SLC25A21: variants seen among roughly 807,000 people sequenced by gnomAD.
The protein encoded by SLC25A21 is mitochondrial 2-oxodicarboxylate carrier.
SLC25A21 carries 47 observed loss-of-function variants against 43.8 expected under a neutral mutation model. That is an observed-to-expected ratio of 1.07 (90% CI 0.85 to 1.37). The LOEUF is 1.37. Ranked by LOEUF, SLC25A21 falls within the 40% of genes most tolerant of loss-of-function variation. The pLI, the probability that SLC25A21 is intolerant of heterozygous loss-of-function variation, is 0.00. For synonymous variants in SLC25A21, 131 were observed against 121.3 expected (o/e 1.08, Z -0.52); for missense variants, 352 against 350.2 (o/e 1.00, Z -0.04).
chr14:36,881,040 A>G lies in SLC25A21; in HGVS notation c.71-6036T>C, dbSNP rs141385035. On this transcript the variant is annotated intron_variant, in intron 1 of 9. Transcript: ENST00000331299. ...GGAAGACATTGAGCAGAAAATAGCA[A>G]TACGCATAAAAATATGGTTCAGGCC... is the stretch of plus-strand genomic sequence containing the variant. Among the ~76,000 whole-genome samples, 515 of 152,294 alleles carry G rather than the reference A, an allele frequency of 3.4e-3. 3 individuals carry two copies. Among genetic ancestry groups the G allele is most frequent in the African/African-American group, 0.012 (492 of 41,556 alleles).
At chr14:37,021,959 G>T (rs1330883504) in intron 1 of SLC25A21, among the ~76,000 whole-genome samples, 1 of 151,846 alleles carries the variant, frequency 6.6e-6, no homozygotes, top group Non-Finnish European at 1.5e-5. Flanking sequence ...TATTTAAATG[G>T]TCTAGAGCAT....
chr14:36,978,274 G>A lies in SLC25A21; in HGVS notation c.71-103270C>T, dbSNP rs539703686. Among the ~76,000 whole-genome samples the A allele has an allele frequency of 2.5e-3, 378 of 152,158 alleles. 4 individuals are homozygous for A. The highest frequency in any genetic ancestry group is 4.6e-3 in the Non-Finnish European group (315 of 67,998). The stretch of plus-strand genomic sequence containing the variant: ...TGGTTCTAGACTACTACAATAAAGC[G>A]ATTACTACAATAAGGTGAGTCACAC... On this transcript the variant is annotated intron_variant, in intron 1 of 9. Transcript: ENST00000331299.
intron 1 of SLC25A21, among the ~76,000 whole-genome samples, chr14:36,894,453 G>T (rs1355554949): frequency 6.6e-6 from 1 of 152,118 alleles, no homozygotes; most frequent in Admixed American, 6.6e-5. Context: ...AGACAATGGG[G>T]TTTTCTAGAT....
intron 3 of SLC25A21, among the ~76,000 whole-genome samples, chr14:36,772,234 A>G (rs989529196): frequency 2.0e-5 from 3 of 152,202 alleles, no homozygotes; most frequent in Admixed American, 2.0e-4. Context: ...GTGTAGCAGA[A>G]GCAAAACAAG....
intron 6 of SLC25A21, chr14:36,725,088 A>AT (rs542837072): frequency 2.0e-5 from 3 of 152,208 alleles, no homozygotes; most frequent in South Asian, 2.1e-4. Context: ...GAGATACTTG[A>AT]TTTTTTCTTA....
At chr14:37,012,397 C>T (rs777125340) in intron 1 of SLC25A21, among the ~76,000 whole-genome samples, 7 of 152,148 alleles carry the variant, frequency 4.6e-5, no homozygotes, top group African/African-American at 7.2e-5. Flanking sequence ...GAAAAATTAA[C>T]GCTGCAAATT....
At chr14:36,802,122 G>A (rs897674220) in intron 3 of SLC25A21, among the ~76,000 whole-genome samples, 2 of 152,168 alleles carry the variant, frequency 1.3e-5, no homozygotes, top group Non-Finnish European at 2.9e-5. Flanking sequence ...AAATTATCAT[G>A]TTTAGAATCT....
At chr14:36,751,306 G>A (rs1885700071) in intron 3 of SLC25A21, among the ~76,000 whole-genome samples, 1 of 152,192 alleles carries the variant, frequency 6.6e-6, no homozygotes, top group African/African-American at 2.4e-5. Context: ...AGTAGCCCCT[G>A]CTGTAAAGTA....
chr14:36,766,031 CT>C (rs11423214), intron 3 of SLC25A21, among the ~76,000 whole-genome samples: 265 of 149,746 alleles, frequency 1.8e-3, no homozygotes, highest in Non-Finnish European at 2.0e-3. Context: ...TCATTCCCTT[CT>C]TTTTTTTTTG....
chr14:37,151,633 G>A (rs1157018617), intron 1 of SLC25A21, among the ~76,000 whole-genome samples: 1 of 152,248 alleles, frequency 6.6e-6, no homozygotes, highest in African/African-American at 2.4e-5. Flanking sequence ...CTAAGAGGCA[G>A]GGTGGAGTAA....
At chr14:36,689,154 A>C (rs1882683940) in intron 7 of SLC25A21, among the ~76,000 whole-genome samples, 1 of 152,222 alleles carries the variant, frequency 6.6e-6, no homozygotes, top group Admixed American at 6.5e-5. Context: ...AGGAAGAGCA[A>C]GTCACATCTT....
chr14:36,776,234 C>CTTTTTTTTTTTTTTTT lies in SLC25A21; in HGVS notation c.203+37683_203+37684insAAAAAAAAAAAAAAAA, dbSNP rs1397904925. Reference sequence around the variant, plus strand: ...CTTTCTTTTTTCTTTTTCTTTCTTTCTTTCTTTTTTTTTTTTTTTTGAGAT... The same window carrying CTTTTTTTTTTTTTTTT: ...CTTTCTTTTTTCTTTTTCTTTCTTTCTTTTTTTTTTTTTTTTTTTCTTTTTTTTTTTTTTTTGAGAT... On this transcript the variant is annotated intron_variant, in intron 3 of 9. Coordinates refer to ENST00000331299, the MANE Select transcript of SLC25A21 (RefSeq NM_030631.4). Among the ~76,000 whole-genome samples, 103 of 75,732 alleles carry CTTTTTTTTTTTTTTTT rather than the reference C, an allele frequency of 1.4e-3. 4 individuals are homozygous for CTTTTTTTTTTTTTTTT. The highest frequency in any genetic ancestry group is 5.5e-3 in the African/African-American group (97 of 17,552). The allele number at this position is 75,732 out of a possible 152,430, so 49.7% of individuals were successfully genotyped here. A position where few individuals can be genotyped will look rare whatever the true frequency, so the allele number is the denominator to read the frequency against.
chr14:36,734,460 G>T (rs1242522856), intron 4 of SLC25A21, 47 bp downstream of exon 4: 2 of 1,462,416 alleles, frequency 1.4e-6, no homozygotes, highest in Admixed American at 3.8e-5. Context: ...TGCTGAAGCT[G>T]TTACTGTGCC....
At chr14:37,124,275 C>T (rs568086928) in intron 1 of SLC25A21, among the ~76,000 whole-genome samples, 1 of 152,076 alleles carries the variant, frequency 6.6e-6, no homozygotes, top group Non-Finnish European at 1.5e-5. Context: ...AAATAATATC[C>T]TCTTTAAGAT....
At chr14:36,828,954 T>C (rs1400752824) in intron 2 of SLC25A21, among the ~76,000 whole-genome samples, 1 of 152,082 alleles carries the variant, frequency 6.6e-6, no homozygotes, top group Non-Finnish European at 1.5e-5. Flanking sequence ...CAGGTTGGAG[T>C]GGAGTGGTGA....
At chr14:36,790,740 C>T (rs929828412) in intron 3 of SLC25A21, among the ~76,000 whole-genome samples, 2 of 152,074 alleles carry the variant, frequency 1.3e-5, no homozygotes, top group African/African-American at 2.4e-5. Context: ...GGTTAGCTGG[C>T]ACACACAATT....
chr14:37,049,296 T>C (rs904666360), intron 1 of SLC25A21, among the ~76,000 whole-genome samples: 1 of 152,094 alleles, frequency 6.6e-6, no homozygotes, highest in Non-Finnish European at 1.5e-5. Flanking sequence ...AAGAATGACA[T>C]ACTGACTGGG....
chr14:37,116,878 T>C (rs1251942128), intron 1 of SLC25A21, among the ~76,000 whole-genome samples: 1 of 152,130 alleles, frequency 6.6e-6, no homozygotes, highest in African/African-American at 2.4e-5. Flanking sequence ...ATCTTATGAG[T>C]TAAAATATTT....
intron 1 of SLC25A21, among the ~76,000 whole-genome samples, chr14:36,886,243 C>T (rs1478123099): frequency 6.6e-6 from 1 of 152,134 alleles, no homozygotes; most frequent in East Asian, 1.9e-4. Flanking sequence ...ATTATACTCT[C>T]CCCTAATAAT....
Sources: gnomAD v4.1 joint callset for allele counts (sites outside exome capture counted in the v4.1 genomes callset) on GRCh38, gnomAD v4.1.1 for gene constraint, MANE v1.5 for transcripts, NCBI Gene and HGNC (gene_info 2026-07-23, HGNC 2026-07-21) for gene names.